TBC1D9: variants seen among roughly 807,000 people sequenced by gnomAD.
The protein encoded by TBC1D9 is TBC1 domain family member 9A.
TBC1D9 carries 63 observed loss-of-function variants against 132.0 expected under a neutral mutation model. The ratio of observed to expected loss-of-function variants is 0.48; its 90% CI spans 0.39 to 0.59. The LOEUF (loss-of-function observed/expected upper bound fraction) is 0.59, where lower values mean the gene tolerates loss of function less well. Among genes scored for constraint, TBC1D9 ranks in the 20% least tolerant of loss-of-function variants. TBC1D9 has a pLI of 0.00. For synonymous variants in TBC1D9, 610 were observed against 609.9 expected (o/e 1.00, Z 0.00); for missense variants, 1,261 against 1,592.7 (o/e 0.79, Z 3.54).
chr4:140,700,823 A>G (rs1416170249), intron 2 of TBC1D9: 2 of 142,170 alleles, frequency 1.4e-5, no homozygotes, highest in Admixed American at 1.5e-4. Flanking sequence ...CCGTCTGGGA[A>G]AAAAAAAAAA....
chr4:140,717,658 C>T lies in TBC1D9; in HGVS notation c.131-16044G>A, dbSNP rs189920642. On this transcript the variant is annotated intron_variant, in intron 1 of 20. Coordinates refer to ENST00000442267, the MANE Select transcript of TBC1D9 (RefSeq NM_015130.3). ...AACTTTTCCTTTGCTGGTGGAAGGC[C>T]GGGGCCTCTATGAAATCTAGAACAC... Among the ~76,000 whole-genome samples, 8 of 152,258 alleles carry T rather than the reference C, an allele frequency of 5.3e-5. No individual in the cohort carries two copies. The East Asian group carries it at 7.7e-4, about 15-fold the overall frequency.
intron 13 of TBC1D9, chr4:140,644,338 G>T: frequency 3.6e-6 from 1 of 278,654 alleles, no homozygotes. Flanking sequence ...AGGCTGGTGG[G>T]GTGGGAGCTA....
chr4:140,650,516 C>G (rs919729052), intron 13 of TBC1D9, among the ~76,000 whole-genome samples: 13 of 152,082 alleles, frequency 8.5e-5, no homozygotes, highest in African/African-American at 3.1e-4. Context: ...TGTAATTCTG[C>G]TCTAGAGTAT....
At chr4:140,708,760 A>C (rs1269711413) in intron 1 of TBC1D9, among the ~76,000 whole-genome samples, 3 of 152,192 alleles carry the variant, frequency 2.0e-5, no homozygotes, top group Non-Finnish European at 2.9e-5. Flanking sequence ...AGGGGAATAC[A>C]GGTGGTGGCT....
At chr4:140,743,914 C>A (rs148896436) in intron 1 of TBC1D9, among the ~76,000 whole-genome samples, 1 of 152,148 alleles carries the variant, frequency 6.6e-6, no homozygotes, top group Non-Finnish European at 1.5e-5. Flanking sequence ...ATTTCTAGGA[C>A]GCTTGGAGTA....
Position 140,657,217 on chromosome 4 carries a change from G to T in TBC1D9, c.2217C>A (p.Asp739Glu), listed in dbSNP as rs755827405. Residue 739 changes from aspartate (D) to glutamate (E), a missense_variant, in exon 13 of 21, where the codon GAC becomes GAA. Around this residue, in one of 3 missense-constraint regions of TBC1D9, gnomAD observed 618 missense variants for 724.4 expected, o/e 0.85. Coordinates refer to ENST00000442267, the MANE Select transcript of TBC1D9 (RefSeq NM_015130.3). The stretch of plus-strand genomic sequence containing the variant: ...GTGTGCTGTCTTTATTGGTCACACT[G>T]TCTAAATACCTGGAAGAAGAATGCA... ...EAMTVLGRYL[D>E]SVTNKDSTLP... The T allele has an allele frequency of 6.2e-7, 1 of 1,613,270 alleles. No homozygotes were observed. The highest frequency in any genetic ancestry group is 8.5e-7 in the Non-Finnish European group (1 of 1,179,724).
chr4:140,641,937 T>G, intron 13 of TBC1D9: 1 of 476,358 alleles, frequency 2.1e-6, no homozygotes, highest in Non-Finnish European at 3.8e-6. Flanking sequence ...AGAAAGTATT[T>G]TGTGTTTGGA....
At position 140,624,397 on chromosome 4, in the gene TBC1D9, A is replaced by T. The variant is rs1736673538; in HGVS notation, c.2900-9T>A. On this transcript the variant is annotated splice_polypyrimidine_tract_variant and intron_variant, in intron 18 of 20. Coordinates refer to ENST00000442267, the MANE Select transcript of TBC1D9 (RefSeq NM_015130.3). ...GCTATCCAATCCAACAACTACCAAG[A>T]AATGGTTCAGAAGAAAAAAGTAGAA... is the stretch of plus-strand genomic sequence containing the variant. The T allele has an allele frequency of 6.2e-7, 1 of 1,609,418 alleles. No homozygotes were observed. The highest frequency in any genetic ancestry group is 1.1e-5 in the South Asian group (1 of 90,508).
chr4:140,676,153 C>T (rs1441203360), intron 6 of TBC1D9, among the ~76,000 whole-genome samples: 7 of 152,328 alleles, frequency 4.6e-5, no homozygotes, highest in East Asian at 1.9e-4. Context: ...ATTTACTCGG[C>T]GTAGCCCATT....
intron 1 of TBC1D9, among the ~76,000 whole-genome samples, chr4:140,709,248 T>TCTCTCTCTCACA (rs1382500714): frequency 2.4e-4 from 25 of 104,192 alleles, no homozygotes; most frequent in African/African-American, 1.0e-3. Flanking sequence ...TCTCTCTCTC[T>TCTCTCTCTCACA]CACACACACA....
chr4:140,741,124 C>G (rs72720336), intron 1 of TBC1D9, among the ~76,000 whole-genome samples: 1 of 152,100 alleles, frequency 6.6e-6, no homozygotes, highest in Non-Finnish European at 1.5e-5. Flanking sequence ...GAAAAACTGA[C>G]CAGTATTAAC....
chr4:140,720,790 T>C (rs1361849914), intron 1 of TBC1D9, among the ~76,000 whole-genome samples: 1 of 152,242 alleles, frequency 6.6e-6, no homozygotes, highest in Non-Finnish European at 1.5e-5. Context: ...AGGTGACCCG[T>C]AAGCTTCTAA....
Position 140,679,815 on chromosome 4 carries a change from T to C in TBC1D9, c.389A>G (p.Asn130Ser), listed in dbSNP as rs976602223. 6.2e-6 allele frequency: 10 copies of C among 1,613,270 alleles called. No homozygotes were observed. The highest frequency in any genetic ancestry group is 4.0e-5 in the African/African-American group (3 of 74,900). Residue 130 changes from asparagine (N) to serine (S), a missense_variant, in exon 4 of 21, where the codon AAT becomes AGT. Around this residue, in one of 3 missense-constraint regions of TBC1D9, gnomAD observed 550 missense variants for 699.0 expected, o/e 0.79. Transcript: ENST00000442267. ...QGIIAEYNKI[N>S]DVKEDDDTEK... ...CGTGTCATCATCTTCCTTTACATCATTGATTTTGTTGTATTCTGCAATGAT... is the reference window on the plus strand; with the variant it reads ...CGTGTCATCATCTTCCTTTACATCACTGATTTTGTTGTATTCTGCAATGAT...
chr4:140,643,105 C>T lies in TBC1D9; in HGVS notation c.2338-3677G>A, dbSNP rs1363416067. 2.9e-6 allele frequency: 4 copies of T among 1,400,440 alleles called. No individual in the cohort carries two copies. In the South Asian group the frequency reaches 3.7e-5, roughly 13 times the overall value. 86.8% of individuals were successfully genotyped at this position (1,400,440 alleles called of 1,614,324 possible). On this transcript the variant is annotated intron_variant, in intron 13 of 20. Transcript: ENST00000442267. ...TGGGCTTCAGCTCCCGTGGGAGCCG[C>T]AGGTTCTTGAGCGGGTCCCACCACG...
At chr4:140,633,926 T>G in intron 16 of TBC1D9, 22 bp downstream of exon 16, 2 of 1,612,276 alleles carry the variant, frequency 1.2e-6, no homozygotes, top group Admixed American at 1.7e-5. Flanking sequence ...TCCCAACTCA[T>G]GCAATAGTAC....
rs375863624 is a variant in TBC1D9, at chr4:140,695,400, A to C, written c.241+6104T>G. On this transcript the variant is annotated intron_variant, in intron 2 of 20. Transcript: ENST00000442267. ...GGAATGGTAAAGAAAAGGGAAACTCAATCAATACACAGCCAAATCAAGGCA... is the reference window on the plus strand; with the variant it reads ...GGAATGGTAAAGAAAAGGGAAACTCCATCAATACACAGCCAAATCAAGGCA... Among the ~76,000 whole-genome samples the C allele has an allele frequency of 3.9e-5, 6 of 152,286 alleles. No individual in the cohort carries two copies. The South Asian group carries it at 1.0e-3, about 26-fold the overall frequency.
chr4:140,644,301 G>A, intron 13 of TBC1D9: 1 of 290,218 alleles, frequency 3.4e-6, no homozygotes, highest in South Asian at 3.7e-5. Context: ...GGTGATACCC[G>A]GGGTGGACAG....
In TBC1D9 at chr4:140,749,272, T is replaced by A. The variant is rs150880068; in HGVS notation, c.130+6644A>T. Among the ~76,000 whole-genome samples, 314 of 151,348 alleles carry A rather than the reference T, an allele frequency of 2.1e-3. 1 individual carries two copies. Among genetic ancestry groups the A allele is most frequent in the African/African-American group, 6.6e-3 (271 of 41,296 alleles). Reference sequence around the variant, plus strand: ...ATAATTGGATGAGTCAAAAATGCATTTGTATTGTCCAGAATAACCACTAAA... The same window carrying A: ...ATAATTGGATGAGTCAAAAATGCATATGTATTGTCCAGAATAACCACTAAA... On this transcript the variant is annotated intron_variant, in intron 1 of 20. Transcript: ENST00000442267.
chr4:140,746,602 T>C lies in TBC1D9; in HGVS notation c.130+9314A>G, dbSNP rs555607669. Among the ~76,000 whole-genome samples, 16 of 152,262 alleles carry C rather than the reference T, an allele frequency of 1.1e-4. No homozygotes were observed. In the East Asian group the frequency reaches 2.9e-3, roughly 28 times the overall value. The stretch of plus-strand genomic sequence containing the variant: ...GTTCCACATGGCTGGGGAGGCCTCA[T>C]AATCATGGTGGAAGATGAAGGAAGA... On this transcript the variant is annotated intron_variant, in intron 1 of 20. Transcript: ENST00000442267.
Sources: allele counts gnomAD v4.1 joint callset (sites outside exome capture counted in the v4.1 genomes callset), GRCh38; gene constraint gnomAD v4.1.1; regional missense constraint gnomAD v4.1.1; transcripts MANE v1.5; gene names NCBI Gene and HGNC (gene_info 2026-07-23, HGNC 2026-07-21).